ANO3: variants seen among roughly 807,000 people sequenced by gnomAD.
ANO3 encodes the protein anoctamin-3.
ANO3 carries 99 observed loss-of-function variants against 144.8 expected under a neutral mutation model. That is an observed-to-expected ratio of 0.68 (90% CI 0.58 to 0.81). The LOEUF (loss-of-function observed/expected upper bound fraction) is 0.81. Ranked by LOEUF, ANO3 falls within the 30% of genes least tolerant of loss-of-function variation. The pLI is 0.00. For synonymous variants in ANO3, 414 were observed against 392.6 expected (o/e 1.05, Z -0.64); for missense variants, 905 against 1,202.2 (o/e 0.75, Z 3.66).
At chr11:26,555,421 T>C (rs17243440) in intron 13 of ANO3, among the ~76,000 whole-genome samples, 30,050 of 152,126 alleles carry the variant, frequency 0.2, 3,012 homozygotes, top group South Asian at 0.26. Context: ...AATATCCACA[T>C]ATGGCAGAGT....
chr11:26,205,456 C>T (rs1851779003), intron 1 of ANO3, among the ~76,000 whole-genome samples: 1 of 152,098 alleles, frequency 6.6e-6, no homozygotes, highest in Non-Finnish European at 1.5e-5. Flanking sequence ...TTATAAAGTC[C>T]AACACAATTC....
chr11:26,538,042 T>C (rs2134197987), intron 10 of ANO3, among the ~76,000 whole-genome samples: 1 of 152,308 alleles, frequency 6.6e-6, no homozygotes, highest in African/African-American at 2.4e-5. Flanking sequence ...ACTTCTGAAC[T>C]TTCAAAGACT....
intron 17 of ANO3, among the ~76,000 whole-genome samples, chr11:26,612,957 G>A (rs1380020371): frequency 3.3e-5 from 5 of 152,078 alleles, no homozygotes; most frequent in Admixed American, 6.6e-5. Context: ...TTTGATTAAC[G>A]AGTACTTTGA....
At chr11:26,446,622 C>G (rs117975040) in intron 3 of ANO3, among the ~76,000 whole-genome samples, 11 of 152,304 alleles carry the variant, frequency 7.2e-5, no homozygotes, top group Admixed American at 2.6e-4. Flanking sequence ...ATTTTTCCAG[C>G]CAGCCATTGG....
At chr11:26,578,313 G>C (rs1215279687) in intron 14 of ANO3, among the ~76,000 whole-genome samples, 1 of 151,922 alleles carries the variant, frequency 6.6e-6, no homozygotes, top group African/African-American at 2.4e-5. Context: ...TTAGGAGGGA[G>C]GAAATATGGT....
At chr11:26,347,009 G>A (rs1477397937) in intron 1 of ANO3, among the ~76,000 whole-genome samples, 2 of 152,174 alleles carry the variant, frequency 1.3e-5, no homozygotes, top group South Asian at 2.1e-4. Context: ...AATCCAAAAT[G>A]TGCTGCCCAT....
intron 1 of ANO3, among the ~76,000 whole-genome samples, chr11:26,238,514 A>C (rs973303825): frequency 2.0e-5 from 3 of 152,144 alleles, no homozygotes; most frequent in Non-Finnish European, 4.4e-5. Flanking sequence ...AACTATTAAA[A>C]ACAATTGCAT....
intron 4 of ANO3, among the ~76,000 whole-genome samples, chr11:26,464,245 A>G (rs1859519046): frequency 6.6e-6 from 1 of 151,748 alleles, no homozygotes; most frequent in Non-Finnish European, 1.5e-5. Flanking sequence ...CATCAGTATT[A>G]TGGGCTAATA....
At chr11:26,231,485 C>G (rs1174861864) in intron 1 of ANO3, among the ~76,000 whole-genome samples, 1 of 152,138 alleles carries the variant, frequency 6.6e-6, no homozygotes, top group African/African-American at 2.4e-5. Context: ...CCAACTTTGT[C>G]TCTGACATCT....
intron 1 of ANO3, among the ~76,000 whole-genome samples, chr11:26,413,650 A>G (rs1346348865): frequency 6.6e-6 from 1 of 152,014 alleles, no homozygotes; most frequent in Non-Finnish European, 1.5e-5. Context: ...AATGTCATAA[A>G]CTTTATTTAT....
At chr11:26,282,745 T>C (rs1332291576) in intron 1 of ANO3, among the ~76,000 whole-genome samples, 1 of 152,152 alleles carries the variant, frequency 6.6e-6, no homozygotes, top group African/African-American at 2.4e-5. Context: ...AGATTCAGGT[T>C]TCATGAAGCC....
At chr11:26,636,644 C>G (rs1169628593) in intron 20 of ANO3, among the ~76,000 whole-genome samples, 1 of 152,192 alleles carries the variant, frequency 6.6e-6, no homozygotes, top group Non-Finnish European at 1.5e-5. Context: ...AACATAAACA[C>G]TGATGAAGTT....
At chr11:26,441,251 G>A (rs1186050108) in intron 1 of ANO3, among the ~76,000 whole-genome samples, 29 of 149,736 alleles carry the variant, frequency 1.9e-4, no homozygotes, top group African/African-American at 6.6e-4. Flanking sequence ...CCAAGTAGCT[G>A]GGACTACAGG....
intron 5 of ANO3, among the ~76,000 whole-genome samples, chr11:26,514,733 T>G (rs976532697): frequency 4.6e-5 from 7 of 152,078 alleles, no homozygotes; most frequent in Non-Finnish European, 1.0e-4. Flanking sequence ...CTAAGAACTT[T>G]TGTAAGCATA....
intron 5 of ANO3, among the ~76,000 whole-genome samples, chr11:26,511,556 C>A (rs1382082190): frequency 1.3e-5 from 2 of 152,078 alleles, no homozygotes; most frequent in Non-Finnish European, 2.9e-5. Context: ...GCTTAAAATT[C>A]TTTAATAGGA....
intron 24 of ANO3, among the ~76,000 whole-genome samples, chr11:26,650,584 C>G (rs1389152351): frequency 2.0e-5 from 3 of 152,148 alleles, no homozygotes; most frequent in African/African-American, 7.2e-5. Context: ...TGGCACCAAA[C>G]AGTATTGCTA....
Position 26,474,405 on chromosome 11 carries a change from G to T in ANO3, c.432+11257G>T, listed in dbSNP as rs545851194. ...TATTGATTTCATTGAAATAATTACA[G>T]CATCTACTCTAAAATGGTTTTTTAT... On this transcript the variant is annotated intron_variant, in intron 4 of 26. Coordinates refer to ENST00000256737, the MANE Select transcript of ANO3 (RefSeq NM_031418.4). Among the ~76,000 whole-genome samples the T allele has an allele frequency of 7.2e-5, 11 of 151,770 alleles. No homozygotes were observed. The South Asian group carries it at 2.3e-3, about 31-fold the overall frequency.
At chr11:26,655,874 C>G (rs1210284396) in intron 24 of ANO3, among the ~76,000 whole-genome samples, 2 of 151,380 alleles carry the variant, frequency 1.3e-5, no homozygotes, top group Non-Finnish European at 2.9e-5. Context: ...TGTGTAGTAA[C>G]TACTTAATAA....
At chr11:26,522,696 C>G (rs1862130698) in intron 6 of ANO3, among the ~76,000 whole-genome samples, 1 of 152,026 alleles carries the variant, frequency 6.6e-6, no homozygotes, top group Non-Finnish European at 1.5e-5. Context: ...CTTCCTGGAT[C>G]AAAGATATGC....
Sources: allele counts gnomAD v4.1 joint callset (sites outside exome capture counted in the v4.1 genomes callset), GRCh38; gene constraint gnomAD v4.1.1; transcripts MANE v1.5; gene names NCBI Gene and HGNC (gene_info 2026-07-23, HGNC 2026-07-21).